The following PHYHIPL variants were observed in gnomAD, a reference collection of about 807,000 sequenced individuals.
PHYHIPL encodes phytanoyl-CoA hydroxylase-interacting protein-like.
A neutral mutation model predicts 33.4 loss-of-function variants in PHYHIPL; 9 were observed. The ratio of observed to expected loss-of-function variants is 0.27; its 90% confidence interval spans 0.16 to 0.47. The LOEUF (loss-of-function observed/expected upper bound fraction) is 0.47. Among genes scored for constraint, PHYHIPL ranks in the 20% least tolerant of loss-of-function variants. PHYHIPL has a pLI of 0.99. For missense variants in PHYHIPL, 365 were observed against 460.7 expected, an observed-to-expected ratio of 0.79 and a Z score of 1.90; for synonymous variants, 153 against 154.1, an observed-to-expected ratio of 0.99 and a Z score of 0.05.
chr10:59,233,861 C>T (rs1187413030), intron 1 of PHYHIPL, among the ~76,000 whole-genome samples: 1 of 151,738 alleles, frequency 6.6e-6, no homozygotes, highest in Non-Finnish European at 1.5e-5. Flanking sequence ...CCATTACATG[C>T]TGTTTCTCTA....
intron 4 of PHYHIPL, among the ~76,000 whole-genome samples, chr10:59,243,923 T>C (rs10763601): frequency 0.76 from 115,584 of 152,024 alleles, 45,651 homozygotes; most frequent in East Asian, 0.9. Flanking sequence ...TTACTCTTCA[T>C]GGGAATGAAA....
chr10:59,235,011 GAC>G (rs1840182457), intron 2 of PHYHIPL, among the ~76,000 whole-genome samples: 1 of 151,840 alleles, frequency 6.6e-6, no homozygotes, highest in African/African-American at 2.4e-5. Flanking sequence ...CCATAACACA[GAC>G]AGATGGCCAG....
chr10:59,208,932 A>C (rs930597536), intron 1 of PHYHIPL, among the ~76,000 whole-genome samples: 3 of 152,214 alleles, frequency 2.0e-5, no homozygotes, highest in Non-Finnish European at 4.4e-5. Flanking sequence ...CTATGTGAAA[A>C]GACCAAACCT....
Sources: allele counts gnomAD v4.1 joint callset (sites outside exome capture counted in the v4.1 genomes callset), GRCh38; gene constraint gnomAD v4.1.1; transcripts MANE v1.5; gene names NCBI Gene and HGNC (gene_info 2026-07-23, HGNC 2026-07-21).